Variants in ITPRID2 observed in about 807,000 individuals in gnomAD.
The protein encoded by ITPRID2 is protein ITPRID2.
A neutral mutation model predicts 124.3 loss-of-function variants in ITPRID2; 60 were observed. The observed-to-expected ratio is 0.48, with a 90% CI of 0.39 to 0.60. ITPRID2 has a LOEUF of 0.60. ITPRID2 is among the 20% of genes least tolerant of loss of function. ITPRID2 has a pLI of 0.00. For synonymous variants in ITPRID2, 521 were observed against 542.9 expected, an observed-to-expected ratio of 0.96 and a Z score of 0.56; for missense variants, 1,553 against 1,512.2, an observed-to-expected ratio of 1.03 and a Z score of -0.45.
Position 181,909,987 on chromosome 2 carries a change from TC to T in ITPRID2, c.1486+18del, listed in dbSNP as rs771872344. On this transcript the variant is annotated intron_variant, in intron 9 of 17. Transcript: ENST00000431877. ...TCGAAAAGAGGTAAGTGGACCAGTATCCACTAGTTCTGAGCACATTATCAAA... is the reference window on the plus strand; with the variant it reads ...TCGAAAAGAGGTAAGTGGACCAGTATCACTAGTTCTGAGCACATTATCAAA... The T allele has an allele frequency of 6.3e-7, 1 of 1,593,266 alleles. No individual in the cohort carries two copies. The highest frequency in any genetic ancestry group is 8.6e-7 in the Non-Finnish European group (1 of 1,162,012).
At chr2:181,916,710 C>A in intron 11 of ITPRID2, 3 of 718,056 alleles carry the variant, frequency 4.2e-6, no homozygotes, top group Non-Finnish European at 5.7e-6. Context: ...TTTAGTCTAT[C>A]ATCCACTGTC....
At chr2:181,912,124 C>G (rs17587367) in intron 9 of ITPRID2, among the ~76,000 whole-genome samples, 2 of 152,064 alleles carry the variant, frequency 1.3e-5, no homozygotes, top group African/African-American at 4.8e-5. Flanking sequence ...ACTTCTAAAT[C>G]GTTTAAATGA....
intron 9 of ITPRID2, among the ~76,000 whole-genome samples, chr2:181,912,119 TA>T (rs1394251778): frequency 6.6e-6 from 1 of 152,238 alleles, no homozygotes; most frequent in Non-Finnish European, 1.5e-5. Context: ...GTTTCACTTC[TA>T]AATCGTTTAA....
At chr2:181,923,517 G>C (rs1694634851) in intron 16 of ITPRID2, among the ~76,000 whole-genome samples, 1 of 152,126 alleles carries the variant, frequency 6.6e-6, no homozygotes, top group Non-Finnish European at 1.5e-5. Context: ...GCTGCCTAAT[G>C]TTTAGCAAAC....
chr2:181,899,170 T>C (rs1052661592), intron 6 of ITPRID2, 58 bp downstream of exon 6: 10 of 1,223,422 alleles, frequency 8.2e-6, no homozygotes, highest in Admixed American at 7.2e-5. Context: ...CCTACTCTTA[T>C]CATTTTTTCA....
rs188440272 is a variant in ITPRID2 at position 181,930,721 on chromosome 2, G to T, written c.*1174G>T. 2.7e-3 allele frequency: 412 copies of T among 152,476 alleles called. 5 individuals are homozygous for T. The highest frequency in any genetic ancestry group is 9.5e-3 in the African/African-American group (395 of 41,540). 9.4% of individuals were successfully genotyped at this position (152,476 alleles called of 1,614,324 possible). On this transcript the variant is annotated 3_prime_UTR_variant, in exon 18 of 18. Transcript: ENST00000431877. Reference sequence around the variant, plus strand: ...AATATATATATATTAAAACAATAAAGTATTTATTTTGCCTAAAGTGTTTTA... The same window carrying T: ...AATATATATATATTAAAACAATAAATTATTTATTTTGCCTAAAGTGTTTTA...
chr2:181,901,363 A>G (rs1173160290), intron 7 of ITPRID2, among the ~76,000 whole-genome samples: 4 of 152,222 alleles, frequency 2.6e-5, no homozygotes, highest in African/African-American at 9.6e-5. Context: ...TTAAGAGATC[A>G]ATAAATCCCT....
intron 2 of ITPRID2, among the ~76,000 whole-genome samples, chr2:181,895,293 T>C (rs1439408240): frequency 6.6e-6 from 1 of 152,094 alleles, no homozygotes; most frequent in Non-Finnish European, 1.5e-5. Flanking sequence ...GAATTAAAAG[T>C]GTTTATTTTT....
intron 9 of ITPRID2, among the ~76,000 whole-genome samples, chr2:181,912,192 CATTT>C (rs1269908478): frequency 1.3e-5 from 2 of 152,182 alleles, no homozygotes; most frequent in Non-Finnish European, 2.9e-5. Flanking sequence ...GGTCAGCAAA[CATTT>C]ATTCTCAGCT....
At position 181,910,887 on chromosome 2, in the gene ITPRID2, CT is replaced by C. The variant is rs976815845; in HGVS notation, c.1486+918del. ...AAATTGAACTTTACTATTTAATTTT[CT>C]TCCCCTTGTAAGTTCATAAATTTAT... is the stretch of plus-strand genomic sequence containing the variant. On this transcript the variant is annotated intron_variant, in intron 9 of 17. Coordinates refer to ENST00000431877, the MANE Select transcript of ITPRID2 (RefSeq NM_001130445.3). This position sits in a 1 kb window ranked among gnomAD's most constrained non-coding sequence, Gnocchi z 4.1. Among the ~76,000 whole-genome samples, 8 of 152,146 alleles carry C rather than the reference CT, an allele frequency of 5.3e-5. No individual in the cohort carries two copies. The highest frequency in any genetic ancestry group is 1.2e-4 in the Non-Finnish European group (8 of 67,990).
intron 11 of ITPRID2, 122 bp from the exon 12 acceptor site, chr2:181,918,476 T>C (rs1694243858): frequency 1.4e-6 from 2 of 1,480,820 alleles, no homozygotes; most frequent in South Asian, 1.5e-5. Context: ...TGAAGGTTTT[T>C]TGGATCCTTT....
chr2:181,903,888 G>A (rs957935155), intron 8 of ITPRID2, among the ~76,000 whole-genome samples: 1 of 151,928 alleles, frequency 6.6e-6, no homozygotes, highest in African/African-American at 2.4e-5. Flanking sequence ...GTAAATTTTT[G>A]CCTACCATTA....
intron 2 of ITPRID2, chr2:181,894,398 C>A (rs1692018241): frequency 6.6e-6 from 1 of 152,074 alleles, no homozygotes; most frequent in South Asian, 2.1e-4. Flanking sequence ...CCTTCTTGTT[C>A]CTACAGTTGC....
At position 181,919,047 on chromosome 2, in the gene ITPRID2, A is replaced by G. The variant is rs1694288189; in HGVS notation, c.2993+165A>G. 6.6e-6 allele frequency among the ~76,000 whole-genome samples: 1 copy of G among 152,200 alleles called. No individual in the cohort carries two copies. Among genetic ancestry groups the G allele is most frequent in the African/African-American group, 2.4e-5 (1 of 41,448 alleles). ...GTCATAGATAGTGTTTTACTAAGTA[A>G]ACTTGTATGCCTTCAATATCCTAAG... On this transcript the variant is annotated intron_variant, in intron 13 of 17. Coordinates refer to ENST00000431877, the MANE Select transcript of ITPRID2 (RefSeq NM_001130445.3). This position sits in a 1 kb window ranked among gnomAD's most constrained non-coding sequence, Gnocchi z 4.2.
chr2:181,923,420 T>C (rs1271114987), intron 16 of ITPRID2, among the ~76,000 whole-genome samples: 1 of 152,236 alleles, frequency 6.6e-6, no homozygotes, highest in African/African-American at 2.4e-5. Flanking sequence ...TTTCATGATA[T>C]GACTCTACCA....
chr2:181,891,904 C>A lies in ITPRID2; in HGVS notation c.-163C>A. On this transcript the variant is annotated 5_prime_UTR_variant, in exon 1 of 18. Coordinates refer to ENST00000431877, the MANE Select transcript of ITPRID2 (RefSeq NM_001130445.3). ...GCCCCTTCCCTCCCCTTCCTTCCCT[C>A]CCTCCCTCCCTGTCCCCTCCTCCTC... 3 of 350,524 alleles carry A rather than the reference C, an allele frequency of 8.6e-6. No homozygotes were observed. Among genetic ancestry groups the A allele is most frequent in the Non-Finnish European group, 1.6e-5 (3 of 185,018 alleles). The allele number at this position is 350,524 out of a possible 1,614,324, so 21.7% of individuals were successfully genotyped here.
At chr2:181,900,244 C>T (rs1467815310) in intron 6 of ITPRID2, among the ~76,000 whole-genome samples, 1 of 152,130 alleles carries the variant, frequency 6.6e-6, no homozygotes, top group African/African-American at 2.4e-5. Flanking sequence ...ATTGTTCCTC[C>T]TAGGACAATT....
At position 181,919,550 on chromosome 2, in the gene ITPRID2, T is replaced by C; in HGVS notation, c.3144+104T>C. On this transcript the variant is annotated intron_variant, in intron 14 of 17. Transcript: ENST00000431877. The surrounding 1 kb of genome is among the most constrained non-coding windows in gnomAD (Gnocchi z 4.2). ...CATTTCAAGTCATTTATTTTAATGGTATTAAAAGCATGCATACTGTTTAAG... is the reference window on the plus strand; with the variant it reads ...CATTTCAAGTCATTTATTTTAATGGCATTAAAAGCATGCATACTGTTTAAG... 1.6e-6 allele frequency: 2 copies of C among 1,282,812 alleles called. No individual in the cohort carries two copies. The highest frequency in any genetic ancestry group is 2.1e-6 in the Non-Finnish European group (2 of 957,566). The allele number at this position is 1,282,812 out of a possible 1,614,324, so 79.5% of individuals were successfully genotyped here. A position where few individuals can be genotyped will look rare whatever the true frequency, so the allele number is the denominator to read the frequency against.
At chr2:181,899,900 A>G (rs1349847202) in intron 6 of ITPRID2, among the ~76,000 whole-genome samples, 2 of 152,222 alleles carry the variant, frequency 1.3e-5, no homozygotes, top group African/African-American at 2.4e-5. Flanking sequence ...AAAATACATC[A>G]GTGCATGTGC....
Sources: allele counts gnomAD v4.1 joint callset (sites outside exome capture counted in the v4.1 genomes callset), GRCh38; gene constraint gnomAD v4.1.1; non-coding constraint Gnocchi (gnomAD v3.1); transcripts MANE v1.5; gene names NCBI Gene and HGNC (gene_info 2026-07-23, HGNC 2026-07-21).